Variants in MEI1 observed in about 807,000 individuals in gnomAD.
MEI1 encodes meiosis inhibitor protein 1.
A neutral mutation model predicts 146.2 loss-of-function variants in MEI1; 103 were observed. The observed-to-expected ratio is 0.70, with a 90% CI of 0.60 to 0.83. The LOEUF (loss-of-function observed/expected upper bound fraction) is 0.83. MEI1 is among the 40% of genes least tolerant of loss of function. The probability of loss-of-function intolerance (pLI) is 0.00; values close to 1 mark genes in which losing one functional copy is unlikely to be tolerated. For missense variants in MEI1, 1,529 were observed against 1,533.0 expected, an observed-to-expected ratio of 1.00 and a Z score of 0.04; for synonymous variants, 652 against 628.2, an observed-to-expected ratio of 1.04 and a Z score of -0.57.
intron 21 of MEI1, among the ~76,000 whole-genome samples, chr22:41,777,576 C>T (rs939810544): frequency 3.3e-5 from 5 of 152,140 alleles, no homozygotes; most frequent in Non-Finnish European, 7.4e-5. Context: ...CAGGGAAGGA[C>T]AAGCCATGTT....
At chr22:41,775,594 C>CTTT (rs532068296) in intron 20 of MEI1, among the ~76,000 whole-genome samples, 5 of 134,700 alleles carry the variant, frequency 3.7e-5, no homozygotes, top group Non-Finnish European at 4.8e-5. Flanking sequence ...TGGACCTATT[C>CTTT]TTTTTTTTTT....
At chr22:41,716,564 C>T (rs141923381) in intron 5 of MEI1, among the ~76,000 whole-genome samples, 8,034 of 150,666 alleles carry the variant, frequency 0.053, 674 homozygotes, top group African/African-American at 0.18. Flanking sequence ...TTGGTAGAGA[C>T]GGGGTTTCTC....
intron 19 of MEI1, among the ~76,000 whole-genome samples, chr22:41,769,787 T>G (rs2075066575): frequency 6.6e-6 from 1 of 151,804 alleles, no homozygotes; most frequent in Admixed American, 6.6e-5. Flanking sequence ...CTAAGAAATT[T>G]GAACATTGTT....
At chr22:41,732,970 G>A (rs909366091) in intron 11 of MEI1, among the ~76,000 whole-genome samples, 3 of 151,710 alleles carry the variant, frequency 2.0e-5, no homozygotes, top group Non-Finnish European at 4.4e-5. Context: ...TATTAGAGGC[G>A]AGGTTTCACC....
intron 26 of MEI1, among the ~76,000 whole-genome samples, chr22:41,785,676 GTC>G (rs2075944675): frequency 6.6e-6 from 1 of 151,558 alleles, no homozygotes; most frequent in South Asian, 2.1e-4. Flanking sequence ...TGATTCTCCT[GTC>G]TCAGCCTCCC....
intron 20 of MEI1, among the ~76,000 whole-genome samples, chr22:41,775,269 G>A (rs2075380595): frequency 6.6e-6 from 1 of 152,164 alleles, no homozygotes; most frequent in African/African-American, 2.4e-5. Flanking sequence ...GGTAGAGAAC[G>A]GGCCTGACCT....
chr22:41,718,728 A>G (rs2070446368), intron 6 of MEI1, among the ~76,000 whole-genome samples: 1 of 152,074 alleles, frequency 6.6e-6, no homozygotes, highest in Non-Finnish European at 1.5e-5. Context: ...TCAGAAATTT[A>G]TTGGTTTGTA....
intron 6 of MEI1, among the ~76,000 whole-genome samples, chr22:41,718,971 A>C (rs2070470081): frequency 6.7e-6 from 1 of 148,214 alleles, no homozygotes; most frequent in Non-Finnish European, 1.5e-5. Flanking sequence ...TCCCCGGTTC[A>C]AGTGATTCTT....
At chr22:41,753,891 C>CAT in intron 16 of MEI1, 58 bp from the exon 17 acceptor site, 1 of 1,209,528 alleles carries the variant, frequency 8.3e-7, no homozygotes, top group Non-Finnish European at 1.2e-6. Flanking sequence ...AGGGATAATG[C>CAT]TCTCCCAGCC....
At chr22:41,704,270 A>G (rs1353096329) in intron 2 of MEI1, among the ~76,000 whole-genome samples, 1 of 152,134 alleles carries the variant, frequency 6.6e-6, no homozygotes, top group Non-Finnish European at 1.5e-5. Flanking sequence ...CTGCCAAGAC[A>G]ATTTTTAAGG....
chr22:41,768,079 A>G (rs1022390316), intron 19 of MEI1, among the ~76,000 whole-genome samples: 4 of 152,088 alleles, frequency 2.6e-5, no homozygotes, highest in Non-Finnish European at 4.4e-5. Context: ...GTCTTTATTA[A>G]CATGCTTGAA....
At chr22:41,742,215 A>G (rs2072937320) in intron 11 of MEI1, among the ~76,000 whole-genome samples, 7 of 152,126 alleles carry the variant, frequency 4.6e-5, no homozygotes, top group Admixed American at 2.0e-4. Flanking sequence ...AGCCAAGATC[A>G]CACCACTGCA....
chr22:41,753,014 T>A (rs1011257134), intron 16 of MEI1, among the ~76,000 whole-genome samples: 5 of 151,502 alleles, frequency 3.3e-5, no homozygotes, highest in Non-Finnish European at 7.4e-5. Context: ...GACCCTGGTC[T>A]CTACAATTTT....
At chr22:41,701,472 A>G (rs570827230) in intron 1 of MEI1, among the ~76,000 whole-genome samples, 1 of 152,190 alleles carries the variant, frequency 6.6e-6, no homozygotes, top group Admixed American at 6.5e-5. Flanking sequence ...AAAAATGAGG[A>G]AGACTAAGAA....
intron 14 of MEI1, among the ~76,000 whole-genome samples, chr22:41,747,652 C>G (rs1342265640): frequency 6.6e-6 from 1 of 151,730 alleles, no homozygotes; most frequent in East Asian, 1.9e-4. Flanking sequence ...TTCAATGAGC[C>G]GAGATCGCAC....
chr22:41,718,534 T>G (rs2070428402), intron 6 of MEI1, among the ~76,000 whole-genome samples: 1 of 152,158 alleles, frequency 6.6e-6, no homozygotes, highest in Admixed American at 6.6e-5. Flanking sequence ...CCCTGGTGCA[T>G]CCTGTATTTG....
intron 18 of MEI1, among the ~76,000 whole-genome samples, chr22:41,762,059 C>A (rs1310004034): frequency 6.6e-6 from 1 of 152,158 alleles, no homozygotes; most frequent in Non-Finnish European, 1.5e-5. Flanking sequence ...GCCTATCCAC[C>A]TTTTGGCTAT....
intron 18 of MEI1, among the ~76,000 whole-genome samples, chr22:41,759,790 C>T (rs1381502846): frequency 6.6e-6 from 1 of 152,074 alleles, no homozygotes; most frequent in Non-Finnish European, 1.5e-5. Flanking sequence ...GCTCATGCCA[C>T]TGCACTCCAG....
chr22:41,796,872 G>A (rs2076378097), intron 30 of MEI1, among the ~76,000 whole-genome samples: 1 of 152,048 alleles, frequency 6.6e-6, no homozygotes, highest in Non-Finnish European at 1.5e-5. Context: ...GCTTGAATCG[G>A]GGATGCGGAG....
Sources: allele counts gnomAD v4.1 joint callset (sites outside exome capture counted in the v4.1 genomes callset), GRCh38; gene constraint gnomAD v4.1.1; transcripts MANE v1.5; gene names NCBI Gene and HGNC (gene_info 2026-07-23, HGNC 2026-07-21).